Variants in POU6F2 observed in about 807,000 individuals in gnomAD.
POU6F2 encodes the protein POU domain, class 6, transcription factor 2.
POU6F2 carries 31 observed loss-of-function variants against 71.3 expected under a neutral mutation model. The observed-to-expected ratio is 0.43, with a 90% CI of 0.33 to 0.59. POU6F2 has a LOEUF of 0.59. POU6F2 is among the 20% of genes least tolerant of loss of function. The pLI is 0.04. For synonymous variants in POU6F2, 347 were observed against 355.7 expected (o/e 0.98, Z 0.27); for missense variants, 783 against 856.8 (o/e 0.91, Z 1.07).
intron 1 of POU6F2, among the ~76,000 whole-genome samples, chr7:39,078,837 G>T (rs1791051610): frequency 6.6e-6 from 1 of 152,166 alleles, no homozygotes; most frequent in Admixed American, 6.5e-5. Flanking sequence ...GGGGCAACAT[G>T]CCTGGCTACT....
At chr7:39,453,123 C>T (rs1788700948) in intron 8 of POU6F2, among the ~76,000 whole-genome samples, 1 of 152,178 alleles carries the variant, frequency 6.6e-6, no homozygotes, top group Non-Finnish European at 1.5e-5. Flanking sequence ...GGCACTTCAC[C>T]AGACTAACCT....
At chr7:39,124,107 C>T (rs895398182) in intron 2 of POU6F2, among the ~76,000 whole-genome samples, 23 of 138,736 alleles carry the variant, frequency 1.7e-4, no homozygotes, top group African/African-American at 5.7e-4. Flanking sequence ...AGTGCAATGG[C>T]GCAATCTTGG....
intron 7 of POU6F2, among the ~76,000 whole-genome samples, chr7:39,433,785 C>T (rs1178120690): frequency 6.6e-6 from 1 of 152,186 alleles, no homozygotes; most frequent in Admixed American, 6.5e-5. Flanking sequence ...ATTCAAATAT[C>T]AATTGAGAGC....
chr7:38,993,117 C>A, intron 1 of POU6F2, among the ~76,000 whole-genome samples: 1 of 152,002 alleles, frequency 6.6e-6, no homozygotes, highest in Admixed American at 6.5e-5. Context: ...TTTTTTATTT[C>A]TGTGTATAAA....
At chr7:39,135,070 G>A (rs1262535988) in intron 2 of POU6F2, among the ~76,000 whole-genome samples, 1 of 152,082 alleles carries the variant, frequency 6.6e-6, no homozygotes, top group East Asian at 1.9e-4. Context: ...AAAACAAATA[G>A]AAGGAAAAAT....
chr7:39,200,193 G>A (rs530806822), intron 2 of POU6F2, among the ~76,000 whole-genome samples: 1 of 152,286 alleles, frequency 6.6e-6, no homozygotes, highest in African/African-American at 2.4e-5. Flanking sequence ...TTAGCGCAAA[G>A]GAGATTCAGC....
chr7:39,371,610 G>C (rs1786612019), intron 5 of POU6F2, among the ~76,000 whole-genome samples: 2 of 152,098 alleles, frequency 1.3e-5, no homozygotes, highest in South Asian at 4.1e-4. Context: ...TGGCTATTCT[G>C]TCACTTCTAC....
At chr7:39,299,280 A>C (rs1784909597) in intron 4 of POU6F2, among the ~76,000 whole-genome samples, 1 of 152,164 alleles carries the variant, frequency 6.6e-6, no homozygotes, top group African/African-American at 2.4e-5. Flanking sequence ...ATTTTTCATC[A>C]CTACTTCACA....
chr7:39,252,442 TC>T (rs1415305966), intron 4 of POU6F2, among the ~76,000 whole-genome samples: 1 of 142,696 alleles, frequency 7.0e-6, no homozygotes, highest in Non-Finnish European at 1.5e-5. Flanking sequence ...ACACACGGAA[TC>T]CTGAGCAACA....
At chr7:39,010,665 C>T (rs1304723604) in intron 1 of POU6F2, among the ~76,000 whole-genome samples, 4 of 137,662 alleles carry the variant, frequency 2.9e-5, no homozygotes, top group East Asian at 2.1e-4. Flanking sequence ...GCATTTAGTG[C>T]TATAAATTTC....
Position 39,040,256 on chromosome 7 carries a change from CA to C in POU6F2, c.106-45597del, listed in dbSNP as rs971155009. The stretch of plus-strand genomic sequence containing the variant: ...AATAATGCATAGGTAGTAAAATGTA[CA>C]AAAAAACATTAATTTCTTTATTTCT... On this transcript the variant is annotated intron_variant, in intron 1 of 9. Coordinates refer to ENST00000518318, the MANE Select transcript of POU6F2 (RefSeq NM_001370959.1). 1.3e-3 allele frequency among the ~76,000 whole-genome samples: 192 copies of C among 146,508 alleles called. 1 individual carries two copies. The highest frequency in any genetic ancestry group is 4.6e-3 in the African/African-American group (184 of 39,864).
At chr7:39,328,913 T>A (rs1371366444) in intron 4 of POU6F2, 1 of 152,262 alleles carries the variant, frequency 6.6e-6, no homozygotes, top group Non-Finnish European at 1.5e-5. Flanking sequence ...CTTCCCGTAA[T>A]GACTAACCTT....
At chr7:39,383,893 C>T (rs538373484) in intron 5 of POU6F2, among the ~76,000 whole-genome samples, 14 of 152,246 alleles carry the variant, frequency 9.2e-5, no homozygotes, top group Admixed American at 7.2e-4. Context: ...GCCTATCTCT[C>T]AGCATTGCTG....
At chr7:39,452,087 T>C (rs180920035) in intron 8 of POU6F2, among the ~76,000 whole-genome samples, 49 of 152,298 alleles carry the variant, frequency 3.2e-4, no homozygotes, top group Non-Finnish European at 5.6e-4. Flanking sequence ...AAGCTGCTTT[T>C]ATGTGTGTTT....
intron 5 of POU6F2, among the ~76,000 whole-genome samples, chr7:39,374,335 G>A (rs1037146374): frequency 8.5e-5 from 13 of 152,342 alleles, no homozygotes; most frequent in African/African-American, 3.1e-4. Context: ...CACTGGACCT[G>A]TACAGTATAG....
At chr7:39,456,051 C>G (rs574178228) in intron 8 of POU6F2, among the ~76,000 whole-genome samples, 1 of 152,212 alleles carries the variant, frequency 6.6e-6, no homozygotes, top group Non-Finnish European at 1.5e-5. Context: ...CTATTACTTT[C>G]TGGCCCTGTC....
chr7:38,988,616 C>T (rs1788520691), intron 1 of POU6F2, among the ~76,000 whole-genome samples: 1 of 152,110 alleles, frequency 6.6e-6, no homozygotes. Context: ...TAATAATCTA[C>T]CAATAAGTGA....
chr7:39,274,735 G>A (rs1205083440), intron 4 of POU6F2, among the ~76,000 whole-genome samples: 2 of 104,480 alleles, frequency 1.9e-5, no homozygotes, highest in East Asian at 5.1e-4. Context: ...GGGATGCAAG[G>A]CTGGTTCAAT....
chr7:39,178,412 TTATAAAAG>T (rs1793372002), intron 2 of POU6F2, among the ~76,000 whole-genome samples: 1 of 152,318 alleles, frequency 6.6e-6, no homozygotes, highest in African/African-American at 2.4e-5. Flanking sequence ...TATAATTTGA[TTATAAAAG>T]TAGTCTTTAT....
Sources: allele counts gnomAD v4.1 joint callset (sites outside exome capture counted in the v4.1 genomes callset), GRCh38; gene constraint gnomAD v4.1.1; transcripts MANE v1.5; gene names NCBI Gene and HGNC (gene_info 2026-07-23, HGNC 2026-07-21).